Variants in CDH12 observed in about 807,000 individuals in gnomAD.
CDH12 encodes the protein cadherin 12.
Under a neutral mutation model 74.1 loss-of-function variants are expected in CDH12, and 41 were observed. That is an observed-to-expected ratio of 0.55 (90% CI 0.43 to 0.72). The LOEUF (loss-of-function observed/expected upper bound fraction) is 0.72, where lower values mean the gene tolerates loss of function less well. CDH12 is among the 30% of genes least tolerant of loss of function. The pLI is 0.00. For missense variants in CDH12, 945 were observed against 977.2 expected, an observed-to-expected ratio of 0.97 and a Z score of 0.44; for synonymous variants, 399 against 355.0, an observed-to-expected ratio of 1.12 and a Z score of -1.39.
intron 6 of CDH12, among the ~76,000 whole-genome samples, chr5:21,949,428 C>A (rs1268163482): frequency 1.4e-5 from 2 of 141,736 alleles, no homozygotes; most frequent in African/African-American, 2.7e-5. Context: ...CCAGCCTGTG[C>A]GACAGAACGA....
intron 6 of CDH12, among the ~76,000 whole-genome samples, chr5:21,957,286 A>G (rs1006785947): frequency 6.6e-6 from 1 of 152,240 alleles, no homozygotes; most frequent in Admixed American, 6.6e-5. Flanking sequence ...TGGTGTCTAT[A>G]TACCACATTT....
chr5:22,101,143 CATT>C (rs1744117209), intron 4 of CDH12, among the ~76,000 whole-genome samples: 1 of 151,896 alleles, frequency 6.6e-6, no homozygotes, highest in Non-Finnish European at 1.5e-5. Context: ...GAACTTTGCT[CATT>C]TCTTCAGCAT....
chr5:22,525,386 A>C (rs1737223339), intron 1 of CDH12, among the ~76,000 whole-genome samples: 1 of 152,128 alleles, frequency 6.6e-6, no homozygotes, highest in Non-Finnish European at 1.5e-5. Context: ...GTGGATAGTT[A>C]AACCATCTAC....
At chr5:22,800,544 G>T (rs1389695400) in intron 1 of CDH12, among the ~76,000 whole-genome samples, 3 of 152,094 alleles carry the variant, frequency 2.0e-5, no homozygotes, top group Non-Finnish European at 4.4e-5. Flanking sequence ...TTGATGAACT[G>T]CATTGACACA....
At chr5:22,017,963 T>C (rs1477746335) in intron 5 of CDH12, among the ~76,000 whole-genome samples, 1 of 152,090 alleles carries the variant, frequency 6.6e-6, no homozygotes, top group Non-Finnish European at 1.5e-5. Flanking sequence ...TTCTTCATGT[T>C]GGCCAGGCTG....
At position 21,778,466 on chromosome 5, in the gene CDH12, C is replaced by CAAAA. The variant is rs70957061; in HGVS notation, c.1393+4888_1393+4891dup. Among the ~76,000 whole-genome samples, 30 of 52,608 alleles carry CAAAA rather than the reference C, an allele frequency of 5.7e-4. 1 individual carries two copies. The highest frequency in any genetic ancestry group is 2.1e-3 in the African/African-American group (25 of 11,632). The allele number at this position is 52,608 out of a possible 152,430, so 34.5% of individuals were successfully genotyped here. On this transcript the variant is annotated intron_variant, in intron 11 of 14. Coordinates refer to ENST00000382254, the MANE Select transcript of CDH12 (RefSeq NM_004061.5). ...AGAGCTGACAATTTGGCATATAAGC[C>CAAAA]AAAAAAAAAAAAAAAAAAAAAAAAA...
At chr5:22,228,624 C>T (rs1449339859) in intron 3 of CDH12, among the ~76,000 whole-genome samples, 1 of 152,100 alleles carries the variant, frequency 6.6e-6, no homozygotes, top group East Asian at 1.9e-4. Flanking sequence ...CAGCTTGATA[C>T]CAAGTAGTAT....
rs538459793 is a variant in CDH12 at position 22,493,396 on chromosome 5, G to A, written c.-428+11874C>T. 7.5e-4 allele frequency among the ~76,000 whole-genome samples: 114 copies of A among 152,190 alleles called. No homozygotes were observed. The South Asian group carries it at 0.02, about 26-fold the overall frequency. ...AGTCTCTACCAAGGCACTCAAATAG[G>A]TGCATGAAATATATTGAGAAAAATT... On this transcript the variant is annotated intron_variant, in intron 2 of 14. Coordinates refer to ENST00000382254, the MANE Select transcript of CDH12 (RefSeq NM_004061.5).
intron 1 of CDH12, among the ~76,000 whole-genome samples, chr5:22,777,502 CTAGT>C (rs1238677000): frequency 5.9e-5 from 9 of 152,008 alleles, no homozygotes; most frequent in Non-Finnish European, 8.8e-5. Flanking sequence ...TAGATGTGTA[CTAGT>C]TAAACATGAC....
In CDH12 at chr5:22,154,594, T is replaced by C. The variant is rs191874148; in HGVS notation, c.-187+57904A>G. ...ATGTATATATGTATATGTGTACACA[T>C]ATATATACACACTATATATGTACAC... On this transcript the variant is annotated intron_variant, in intron 4 of 14. Transcript: ENST00000382254. 8.8e-3 allele frequency among the ~76,000 whole-genome samples: 1,139 copies of C among 129,416 alleles called. 5 individuals are homozygous for C. The highest frequency in any genetic ancestry group is 0.013 in the Non-Finnish European group (748 of 59,310). 84.9% of individuals were successfully genotyped at this position (129,416 alleles called of 152,430 possible). A position where few individuals can be genotyped will look rare whatever the true frequency, so the allele number is the denominator to read the frequency against.
intron 1 of CDH12, among the ~76,000 whole-genome samples, chr5:22,833,507 C>G (rs980625068): frequency 4.6e-5 from 7 of 152,118 alleles, no homozygotes; most frequent in Non-Finnish European, 1.5e-5. Context: ...CATTGAGTAC[C>G]TTACTGCTAA....
intron 2 of CDH12, among the ~76,000 whole-genome samples, chr5:22,486,292 C>G (rs570227576): frequency 8.7e-4 from 133 of 152,208 alleles, no homozygotes; most frequent in African/African-American, 3.0e-3. Context: ...ATAAAAGTCA[C>G]CACCCACTAA....
intron 5 of CDH12, among the ~76,000 whole-genome samples, chr5:21,989,154 G>T (rs1757644892): frequency 6.6e-6 from 1 of 152,172 alleles, no homozygotes; most frequent in Non-Finnish European, 1.5e-5. Flanking sequence ...AGACAAAAGT[G>T]TAGTCACAAG....
chr5:21,878,827 GA>G (rs1752083105), intron 6 of CDH12, among the ~76,000 whole-genome samples: 4 of 120,060 alleles, frequency 3.3e-5, no homozygotes, highest in Non-Finnish European at 7.1e-5. Context: ...AAAGAGAAAA[GA>G]AAAGAAAAGA....
At chr5:21,752,808 G>T (rs1744173828) in intron 14 of CDH12, among the ~76,000 whole-genome samples, 1 of 151,972 alleles carries the variant, frequency 6.6e-6, no homozygotes, top group South Asian at 2.1e-4. Context: ...AGGAAGGAAG[G>T]AAGTAGAGGA....
At chr5:22,755,477 T>A (rs1179767238) in intron 1 of CDH12, among the ~76,000 whole-genome samples, 1 of 152,120 alleles carries the variant, frequency 6.6e-6, no homozygotes, top group Non-Finnish European at 1.5e-5. Flanking sequence ...CAAATAATAG[T>A]TTTTACAATA....
At chr5:22,438,029 G>A (rs992300453) in intron 2 of CDH12, among the ~76,000 whole-genome samples, 15 of 151,906 alleles carry the variant, frequency 9.9e-5, no homozygotes, top group African/African-American at 3.6e-4. Flanking sequence ...TTTTTTTAGG[G>A]AAGCAAAGTA....
intron 5 of CDH12, among the ~76,000 whole-genome samples, chr5:22,026,967 T>C (rs1375352072): frequency 1.3e-5 from 2 of 152,180 alleles, no homozygotes; most frequent in Non-Finnish European, 2.9e-5. Flanking sequence ...TAGATAGCTC[T>C]TATTATTTTA....
intron 4 of CDH12, among the ~76,000 whole-genome samples, chr5:22,208,453 T>G (rs1751349583): frequency 6.6e-6 from 1 of 152,182 alleles, no homozygotes; most frequent in African/African-American, 2.4e-5. Flanking sequence ...CTAAGGCAAT[T>G]AACCTCTTTT....
Sources: allele counts gnomAD v4.1 joint callset (sites outside exome capture counted in the v4.1 genomes callset), GRCh38; gene constraint gnomAD v4.1.1; transcripts MANE v1.5; gene names NCBI Gene and HGNC (gene_info 2026-07-23, HGNC 2026-07-21).